Variants in ARHGAP26 observed in about 807,000 individuals in gnomAD.
ARHGAP26 encodes Rho GTPase activating protein 26, also known as rho GTPase-activating protein 26.
Under a neutral mutation model 104.8 loss-of-function variants are expected in ARHGAP26, and 38 were observed. That is an observed-to-expected ratio of 0.36 (90% CI 0.28 to 0.48). ARHGAP26 has a LOEUF of 0.48. Among genes scored for constraint, ARHGAP26 ranks in the 20% least tolerant of loss-of-function variants. The pLI is 0.99. For synonymous variants in ARHGAP26, 341 were observed against 340.0 expected (o/e 1.00, Z -0.03); for missense variants, 704 against 947.9 (o/e 0.74, Z 3.38).
chr5:142,985,479 G>A (rs1774562730), intron 11 of ARHGAP26, among the ~76,000 whole-genome samples: 2 of 151,892 alleles, frequency 1.3e-5, no homozygotes, highest in Non-Finnish European at 2.9e-5. Context: ...TCCATTCATG[G>A]TAAGCACTTT....
intron 20 of ARHGAP26, among the ~76,000 whole-genome samples, chr5:143,157,902 T>C (rs1213440554): frequency 6.6e-6 from 1 of 152,216 alleles, no homozygotes; most frequent in Non-Finnish European, 1.5e-5. Context: ...CTCTGCCATT[T>C]CCTAACTGTG....
intron 20 of ARHGAP26, among the ~76,000 whole-genome samples, chr5:143,163,334 A>G (rs1290153436): frequency 6.6e-6 from 1 of 152,192 alleles, no homozygotes. Flanking sequence ...CAGGGTTTCC[A>G]ATAATTTCCC....
intron 11 of ARHGAP26, among the ~76,000 whole-genome samples, chr5:142,977,481 G>C (rs890409992): frequency 2.0e-5 from 3 of 152,142 alleles, no homozygotes; most frequent in Non-Finnish European, 2.9e-5. Context: ...AAAGCACGTA[G>C]ATGGTTGTTG....
At chr5:143,133,369 C>G (rs1797574436) in intron 18 of ARHGAP26, among the ~76,000 whole-genome samples, 1 of 152,002 alleles carries the variant, frequency 6.6e-6, no homozygotes, top group African/African-American at 2.4e-5. Flanking sequence ...GTGTGTGTTA[C>G]TTTTATCAAG....
intron 11 of ARHGAP26, among the ~76,000 whole-genome samples, chr5:142,990,360 C>CTTTT (rs762176366): frequency 2.7e-4 from 41 of 152,104 alleles, no homozygotes; most frequent in Non-Finnish European, 2.9e-5. Flanking sequence ...TTTGTCTAAT[C>CTTTT]TTTTTTCAAG....
chr5:143,060,533 T>A (rs1487353974), intron 17 of ARHGAP26, among the ~76,000 whole-genome samples: 1 of 152,032 alleles, frequency 6.6e-6, no homozygotes, highest in Non-Finnish European at 1.5e-5. Context: ...AGATGTTGGA[T>A]TTGTTTCAGA....
intron 5 of ARHGAP26, among the ~76,000 whole-genome samples, chr5:142,890,151 A>AAAAT (rs1252590997): frequency 2.0e-3 from 64 of 32,384 alleles, no homozygotes; most frequent in African/African-American, 2.7e-3. Context: ...AAAAAAAAAA[A>AAAAT]ATATATATAT....
chr5:142,873,323 G>C, intron 1 of ARHGAP26, 77 bp from the exon 2 acceptor site: 1 of 1,036,680 alleles, frequency 9.6e-7, no homozygotes, highest in Non-Finnish European at 1.4e-6. Flanking sequence ...ATTCCTAGAA[G>C]GACCAATAAG....
chr5:142,876,032 C>T (rs776608072), intron 3 of ARHGAP26, among the ~76,000 whole-genome samples: 42 of 152,120 alleles, frequency 2.8e-4, no homozygotes, highest in Non-Finnish European at 4.6e-4. Context: ...ATGAGCAACC[C>T]TGCCTATAAT....
intron 6 of ARHGAP26, 152 bp from the exon 7 acceptor site, chr5:142,901,783 A>G (rs1188566438): frequency 1.6e-6 from 1 of 617,482 alleles, no homozygotes; most frequent in Non-Finnish European, 2.9e-6. Context: ...GGAAGGGCAT[A>G]GTGCCTGGCA....
At chr5:142,926,825 A>T (rs1228853183) in intron 10 of ARHGAP26, among the ~76,000 whole-genome samples, 3 of 151,934 alleles carry the variant, frequency 2.0e-5, no homozygotes, top group African/African-American at 7.3e-5. Context: ...CTTACCCCAT[A>T]CTTACCATCC....
At chr5:143,004,766 AAC>A (rs1002485728) in intron 11 of ARHGAP26, among the ~76,000 whole-genome samples, 1 of 152,214 alleles carries the variant, frequency 6.6e-6, no homozygotes, top group Non-Finnish European at 1.5e-5. Context: ...GGTTTAGGGA[AAC>A]ACATCTTGCA....
chr5:143,076,698 A>G (rs935514457), intron 17 of ARHGAP26, among the ~76,000 whole-genome samples: 3 of 152,224 alleles, frequency 2.0e-5, no homozygotes, highest in Non-Finnish European at 2.9e-5. Flanking sequence ...TTGTGTGTCC[A>G]AATATAGACG....
intron 6 of ARHGAP26, among the ~76,000 whole-genome samples, chr5:142,898,963 G>A (rs748511052): frequency 1.8e-4 from 27 of 152,154 alleles, no homozygotes; most frequent in Admixed American, 2.6e-4. Context: ...CAAGGTTTTG[G>A]CACCAAGATC....
At chr5:143,011,847 C>G (rs1313871897) in intron 11 of ARHGAP26, among the ~76,000 whole-genome samples, 1 of 152,206 alleles carries the variant, frequency 6.6e-6, no homozygotes, top group Non-Finnish European at 1.5e-5. Context: ...TTGCCCTCCC[C>G]TCAAATTCCA....
At chr5:142,844,837 A>C (rs1771601894) in intron 1 of ARHGAP26, among the ~76,000 whole-genome samples, 1 of 150,958 alleles carries the variant, frequency 6.6e-6, no homozygotes, top group Admixed American at 6.6e-5. Context: ...CTGGGACAAC[A>C]GAGTGAGACT....
At chr5:143,112,221 G>A (rs534544564) in intron 17 of ARHGAP26, among the ~76,000 whole-genome samples, 3 of 152,318 alleles carry the variant, frequency 2.0e-5, no homozygotes, top group South Asian at 2.1e-4. Context: ...AGAGTGAGGT[G>A]TCCAGAAAGA....
chr5:142,852,558 A>G (rs1751699084), intron 1 of ARHGAP26, among the ~76,000 whole-genome samples: 1 of 152,218 alleles, frequency 6.6e-6, no homozygotes, highest in African/African-American at 2.4e-5. Context: ...ATGGATGCCT[A>G]TGGCTTGTAA....
At chr5:143,202,749 C>T (rs1350697218) in intron 20 of ARHGAP26, 1 of 152,104 alleles carries the variant, frequency 6.6e-6, no homozygotes, top group Non-Finnish European at 1.5e-5. Flanking sequence ...TGGAACAGAA[C>T]AGAGGCCTCA....
Sources: allele counts gnomAD v4.1 joint callset (sites outside exome capture counted in the v4.1 genomes callset), GRCh38; gene constraint gnomAD v4.1.1; transcripts MANE v1.5; gene names NCBI Gene and HGNC (gene_info 2026-07-23, HGNC 2026-07-21).